ARHGAP33: variants seen among roughly 807,000 people sequenced by gnomAD.
The protein encoded by ARHGAP33 is Rho GTPase activating protein 33.
Under a neutral mutation model 126.2 loss-of-function variants are expected in ARHGAP33, and 57 were observed. The ratio of observed to expected loss-of-function variants is 0.45; its 90% CI spans 0.36 to 0.56. The LOEUF (loss-of-function observed/expected upper bound fraction) is 0.56. Among genes scored for constraint, ARHGAP33 ranks in the 20% least tolerant of loss-of-function variants. The pLI is 0.00. For synonymous variants in ARHGAP33, 711 were observed against 755.0 expected (o/e 0.94, Z 0.95); for missense variants, 1,500 against 1,748.3 (o/e 0.86, Z 2.53).
At chr19:35,783,187 C>T (rs987936190) in intron 15 of ARHGAP33, among the ~76,000 whole-genome samples, 3 of 152,026 alleles carry the variant, frequency 2.0e-5, no homozygotes, top group African/African-American at 7.3e-5. Flanking sequence ...AAGTTTTTAG[C>T]GAGAGTGGCA....
intron 15 of ARHGAP33, among the ~76,000 whole-genome samples, chr19:35,783,632 G>T (rs1173549803): frequency 6.6e-6 from 1 of 152,098 alleles, no homozygotes; most frequent in Non-Finnish European, 1.5e-5. Flanking sequence ...AGGGGCTGAG[G>T]GAGAGGAGAT....
At position 35,775,621 on chromosome 19, in the gene ARHGAP33, G is replaced by A; in HGVS notation, c.-38G>A. ...GCGGCGACGAGAACGGCGAGCGAGGGGTCGAGCGCGGCCGGGGCCTGAGGA... is the reference window on the plus strand; with the variant it reads ...GCGGCGACGAGAACGGCGAGCGAGGAGTCGAGCGCGGCCGGGGCCTGAGGA... On this transcript the variant is annotated 5_prime_UTR_variant, in exon 1 of 21. Transcript: ENST00000007510. The A allele has an allele frequency of 6.6e-7, 1 of 1,512,544 alleles. No individual in the cohort carries two copies. The highest frequency in any genetic ancestry group is 8.8e-7 in the Non-Finnish European group (1 of 1,135,562). 93.7% of individuals were successfully genotyped at this position (1,512,544 alleles called of 1,614,324 possible).
In ARHGAP33 at chr19:35,787,918, C is replaced by A; in HGVS notation, c.3353C>A (p.Ser1118Tyr). ...RSMPPDRLNA[S>Y]YGMLGQSPPL... Reference sequence around the variant, plus strand: ...ATGCCCCCCGACAGGCTCAATGCCTCCTACGGCATGCTTGGCCAATCACCC... The same window carrying A: ...ATGCCCCCCGACAGGCTCAATGCCTACTACGGCATGCTTGGCCAATCACCC... Residue 1118 changes from serine (S) to tyrosine (Y), a missense_variant, in exon 21 of 21, where the codon TCC (serine) becomes TAC (tyrosine). By Grantham distance (144) the Ser-to-Tyr change is moderately radical. Coordinates refer to ENST00000007510, the MANE Select transcript of ARHGAP33 (RefSeq NM_001366178.1). The A allele has an allele frequency of 1.2e-6, 2 of 1,605,910 alleles. No individual in the cohort carries two copies. The highest frequency in any genetic ancestry group is 2.3e-5 in the East Asian group (1 of 44,222).
intron 15 of ARHGAP33, 128 bp from the exon 16 acceptor site, chr19:35,784,044 C>T: frequency 2.8e-6 from 2 of 705,626 alleles, no homozygotes; most frequent in Non-Finnish European, 4.6e-6. Flanking sequence ...CCCAGCGAGG[C>T]GTGATCAGTT....
intron 5 of ARHGAP33, chr19:35,778,804 C>A: frequency 1.1e-6 from 1 of 919,264 alleles, no homozygotes; most frequent in Non-Finnish European, 1.6e-6. Context: ...ATGGGGAGTT[C>A]CAGGGGGTCC....
chr19:35,780,030 C>A (rs761155079), intron 6 of ARHGAP33, 181 bp from the exon 7 acceptor site: 5 of 874,760 alleles, frequency 5.7e-6, no homozygotes, highest in South Asian at 4.1e-5. Context: ...TTTCCCCACC[C>A]GCAGAGGGTG....
chr19:35,785,612 C>G, intron 19 of ARHGAP33, 129 bp downstream of exon 19: 2 of 1,489,190 alleles, frequency 1.3e-6, no homozygotes, highest in Non-Finnish European at 1.8e-6. Context: ...AAAAATTTAA[C>G]CTGGCCTTTA....
At chr19:35,778,707 C>T in intron 5 of ARHGAP33, 106 bp downstream of exon 5, 1 of 1,409,624 alleles carries the variant, frequency 7.1e-7, no homozygotes, top group South Asian at 1.4e-5. Context: ...CTGGTATGGC[C>T]CAAGTCCCAA....
chr19:35,782,346 T>C lies in ARHGAP33; in HGVS notation c.1086-27T>C. ...GAGCGAGCCCCTCTGACCTGGATCT[T>C]CCTCCTCCTTGACACGGTGGTCTCA... On this transcript the variant is annotated intron_variant, in intron 12 of 20. Transcript: ENST00000007510. This position sits in a 1 kb window ranked among gnomAD's most constrained non-coding sequence, Gnocchi z 4.1. 1 of 1,589,504 alleles carries C rather than the reference T, an allele frequency of 6.3e-7. No individual in the cohort carries two copies. The highest frequency in any genetic ancestry group is 8.6e-7 in the Non-Finnish European group (1 of 1,161,280).
At position 35,781,265 on chromosome 19, in the gene ARHGAP33, A is replaced by C. The variant is rs200256870; in HGVS notation, c.1085+13A>C. On this transcript the variant is annotated intron_variant, in intron 12 of 20. Coordinates refer to ENST00000007510, the MANE Select transcript of ARHGAP33 (RefSeq NM_001366178.1). ...TCCAGAGGCTTCGGTGAGGGCCCTT[A>C]GCCAACCCTGTCCTTCCACAGGCAC... The C allele has an allele frequency of 6.2e-7, 1 of 1,613,716 alleles. No individual in the cohort carries two copies. The highest frequency in any genetic ancestry group is 2.2e-5 in the East Asian group (1 of 44,880).
Position 35,780,059 on chromosome 19 carries a change from A to T in ARHGAP33, c.502-152A>T, listed in dbSNP as rs568657353. The T allele has an allele frequency of 1.2e-4, 135 of 1,117,796 alleles. No homozygotes were observed. The African/African-American group carries it at 1.8e-3, about 15-fold the overall frequency. The allele number at this position is 1,117,796 out of a possible 1,614,324, so 69.2% of individuals were successfully genotyped here. On this transcript the variant is annotated intron_variant, in intron 6 of 20. Transcript: ENST00000007510. ...GAGGGTGCCAGGGCTGCATCCCTAC[A>T]AACAGGAATCTAGGTGTTTGACCAA...
chr19:35,782,923 A>C lies in ARHGAP33; in HGVS notation c.1421+54A>C, dbSNP rs1020030251. On this transcript the variant is annotated intron_variant, in intron 15 of 20. Transcript: ENST00000007510. The surrounding 1 kb of genome is among the most constrained non-coding windows in gnomAD (Gnocchi z 4.1). The stretch of plus-strand genomic sequence containing the variant: ...TCAGGTCTTTCCCCAAAACCACCCC[A>C]GGAACCCGCCCAGCTTTTCTTTTGT... 2 of 1,465,760 alleles carry C rather than the reference A, an allele frequency of 1.4e-6. No homozygotes were observed. The highest frequency in any genetic ancestry group is 2.8e-5 in the African/African-American group (2 of 71,232). The allele number at this position is 1,465,760 out of a possible 1,614,324, so 90.8% of individuals were successfully genotyped here.
At chr19:35,781,934 G>A (rs985839600) in intron 12 of ARHGAP33, among the ~76,000 whole-genome samples, 2 of 151,528 alleles carry the variant, frequency 1.3e-5, no homozygotes, top group Admixed American at 6.6e-5. Context: ...CCTGCAGGGG[G>A]GTGGCCAAGA....
In ARHGAP33 at chr19:35,787,079, C is replaced by T. The variant is rs747569431; in HGVS notation, c.2602+7C>T. Reference sequence around the variant, plus strand: ...GGAGCCCAGGGCCCACTCGGTGAGTCCTCAGCCTACCCCACCCCTGTCCCC... The same window carrying T: ...GGAGCCCAGGGCCCACTCGGTGAGTTCTCAGCCTACCCCACCCCTGTCCCC... On this transcript the variant is annotated splice_region_variant and intron_variant, in intron 20 of 20. Coordinates refer to ENST00000007510, the MANE Select transcript of ARHGAP33 (RefSeq NM_001366178.1). 4 of 1,600,568 alleles carry T rather than the reference C, an allele frequency of 2.5e-6. No homozygotes were observed. The South Asian group carries it at 4.5e-5, about 18-fold the overall frequency.
chr19:35,785,456 T>TC lies in ARHGAP33; in HGVS notation c.1916dup (p.Leu640SerfsTer51). The stretch of plus-strand genomic sequence containing the variant: ...ACTGAGATCTGCCAAGAGCGAGGAG[T>TC]CTCTGTCATCGCAGGCCAGCGGGGC... On this transcript the variant is annotated frameshift_variant, in exon 19 of 21. Coordinates refer to ENST00000007510, the MANE Select transcript of ARHGAP33 (RefSeq NM_001366178.1). LOFTEE classifies it high-confidence loss of function. 6.2e-7 allele frequency: 1 copy of TC among 1,613,626 alleles called. No homozygotes were observed. Among genetic ancestry groups the TC allele is most frequent in the Non-Finnish European group, 8.5e-7 (1 of 1,179,854 alleles).
At chr19:35,778,048 C>A in intron 3 of ARHGAP33, 140 bp downstream of exon 3, 1 of 1,002,742 alleles carries the variant, frequency 1.0e-6, no homozygotes, top group Non-Finnish European at 1.5e-6. Flanking sequence ...GCAAAAGTTG[C>A]AGGAGCCACA....
In ARHGAP33 at chr19:35,787,290, C is replaced by T; in HGVS notation, c.2725C>T (p.Gln909Ter). The change falls in exon 21 of 21, where the codon CAG (glutamine) becomes TAG (stop). Residue 909 changes from glutamine to a stop codon, truncating the protein, a stop_gained. Transcript: ENST00000007510. LOFTEE classifies it high-confidence loss of function. ...GGCCCTGGCCCTGGCTGAGCGGGCTCAGCAGGTGGCCGAGCAACAGAGCCA... is the reference window on the plus strand; with the variant it reads ...GGCCCTGGCCCTGGCTGAGCGGGCTTAGCAGGTGGCCGAGCAACAGAGCCA... ...LMALALAERAQQVAEQQSQQE... is the reference protein window; with the variant it reads ...LMALALAERA 1.9e-6 allele frequency: 3 copies of T among 1,612,616 alleles called. No homozygotes were observed. Among genetic ancestry groups the T allele is most frequent in the Non-Finnish European group, 2.5e-6 (3 of 1,179,574 alleles).
chr19:35,778,679 T>C (rs769190833), intron 5 of ARHGAP33, 78 bp downstream of exon 5: 1 of 1,520,144 alleles, frequency 6.6e-7, no homozygotes, highest in South Asian at 1.3e-5. Flanking sequence ...GGCAGCGGGA[T>C]AGAGAAATAT....
At position 35,787,544 on chromosome 19, in the gene ARHGAP33, C is replaced by T. The variant is rs765785191; in HGVS notation, c.2979C>T (p.Leu993=). The stretch of plus-strand genomic sequence containing the variant: ...CCATGGGGACCTCAAGGAGGGGACT[C>T]CGAGGCCCTGCCCAGGTCAGTGCCC... ...QRPMGTSRRG[L]RGPAQVSAQL... Residue 993 remains leucine, a synonymous_variant, in exon 21 of 21, where the codon CTC becomes CTT. Coordinates refer to ENST00000007510, the MANE Select transcript of ARHGAP33 (RefSeq NM_001366178.1). The T allele has an allele frequency of 6.2e-7, 1 of 1,612,030 alleles. No homozygotes were observed. Among genetic ancestry groups the T allele is most frequent in the South Asian group, 1.1e-5 (1 of 91,070 alleles).
Sources: allele counts gnomAD v4.1 joint callset (sites outside exome capture counted in the v4.1 genomes callset), GRCh38; gene constraint gnomAD v4.1.1; non-coding constraint Gnocchi (gnomAD v3.1); transcripts MANE v1.5; gene names NCBI Gene and HGNC (gene_info 2026-07-23, HGNC 2026-07-21).